ZFP14: variants seen among roughly 807,000 people sequenced by gnomAD.
ZFP14 encodes the protein ZFP14 zinc finger protein.
Under a neutral mutation model 54.5 loss-of-function variants are expected in ZFP14, and 22 were observed. The observed-to-expected ratio is 0.40, with a 90% CI of 0.29 to 0.58. The LOEUF is 0.58. ZFP14 is among the 20% of genes least tolerant of loss of function. The probability of loss-of-function intolerance (pLI) is 0.39; values close to 1 mark genes in which losing one functional copy is unlikely to be tolerated. For synonymous variants in ZFP14, 159 were observed against 204.0 expected, an observed-to-expected ratio of 0.78 and a Z score of 1.88; for missense variants, 470 against 637.8, an observed-to-expected ratio of 0.74 and a Z score of 2.83.
At chr19:36,345,792 C>T (rs1315609914) in intron 4 of ZFP14, among the ~76,000 whole-genome samples, 1 of 151,974 alleles carries the variant, frequency 6.6e-6, no homozygotes, top group Non-Finnish European at 1.5e-5. Context: ...TATAGAGAAC[C>T]TATGAAATAT....
chr19:36,355,002 C>G (rs545583541), intron 4 of ZFP14, among the ~76,000 whole-genome samples: 1 of 142,634 alleles, frequency 7.0e-6, no homozygotes, highest in African/African-American at 2.6e-5. Flanking sequence ...TTGTCCCTAC[C>G]TAATATTATG....
intron 4 of ZFP14, 63 bp downstream of exon 4, chr19:36,360,372 C>T (rs2031689830): frequency 4.7e-6 from 7 of 1,477,968 alleles, no homozygotes; most frequent in African/African-American, 1.4e-5. Flanking sequence ...GTGCCTCCAC[C>T]CTAATCAGTT....
chr19:36,341,060 A>G lies in ZFP14; in HGVS notation c.766T>C (p.Tyr256His). The part of the protein sequence containing the change: ...HQRLHTGEKP[Y>H]ECKECGKAFR... ...GCCTTTCCACATTCCTTACATTCAT[A>G]GGGTTTTTCACCCGTATGAAGTCTC... The change falls in exon 5 of 5, where the codon TAT becomes CAT. Residue 256 changes from tyrosine to histidine, a missense_variant. Tyr to His is a moderately conservative substitution (Grantham distance 83, BLOSUM62 2). Coordinates refer to ENST00000270001, the MANE Select transcript of ZFP14 (RefSeq NM_020917.3). The surrounding 1 kb of genome is among the most constrained non-coding windows in gnomAD (Gnocchi z 4.2). 16 of 1,614,072 alleles carry G rather than the reference A, an allele frequency of 9.9e-6. No individual in the cohort carries two copies. Among genetic ancestry groups the G allele is most frequent in the Non-Finnish European group, 1.4e-5 (16 of 1,179,996 alleles).
intron 2 of ZFP14, among the ~76,000 whole-genome samples, chr19:36,363,195 T>C (rs1020402630): frequency 1.3e-4 from 18 of 139,018 alleles, no homozygotes; most frequent in South Asian, 2.4e-4. Context: ...TTTTCTTTTT[T>C]TTTTTTTTTT....
chr19:36,371,673 A>G (rs1431057831), intron 1 of ZFP14, among the ~76,000 whole-genome samples: 6 of 152,172 alleles, frequency 3.9e-5, no homozygotes, highest in East Asian at 1.9e-4. Flanking sequence ...ATTTAAAGAA[A>G]TAACAGCAGG....
At position 36,340,563 on chromosome 19, in the gene ZFP14, C is replaced by G; in HGVS notation, c.1263G>C (p.Glu421Asp). ...CACACTCTTCACATTCATAGGGTCTCTCACCAATATGAATGCTCTGGTGTG... is the reference window on the plus strand; with the variant it reads ...CACACTCTTCACATTCATAGGGTCTGTCACCAATATGAATGCTCTGGTGTG... ...LISHQSIHIG[E>D]RPYECEECGK... The change falls in exon 5 of 5, where the codon GAG (glutamate) becomes GAC (aspartate). Residue 421 changes from glutamate to aspartate, a missense_variant. By Grantham distance (45) the Glu-to-Asp change is conservative. Coordinates refer to ENST00000270001, the MANE Select transcript of ZFP14 (RefSeq NM_020917.3). The surrounding 1 kb of genome is among the most constrained non-coding windows in gnomAD (Gnocchi z 5.4). 6.2e-7 allele frequency: 1 copy of G among 1,614,032 alleles called. No individual in the cohort carries two copies.
chr19:36,375,730 T>C (rs916875196), intron 1 of ZFP14, among the ~76,000 whole-genome samples: 105 of 152,200 alleles, frequency 6.9e-4, no homozygotes, highest in Admixed American at 1.4e-3. Context: ...GGTAATTTTT[T>C]GTATTTTTAG....
chr19:36,351,801 G>C lies in ZFP14; in HGVS notation c.235+8634C>G, dbSNP rs1369620203. Among the ~76,000 whole-genome samples, 2 of 143,282 alleles carry C rather than the reference G, an allele frequency of 1.4e-5. 1 individual carries two copies. The highest frequency in any genetic ancestry group is 3.1e-5 in the Non-Finnish European group (2 of 64,530). The allele number at this position is 143,282 out of a possible 152,430, so 94.0% of individuals were successfully genotyped here. A position where few individuals can be genotyped will look rare whatever the true frequency, so the allele number is the denominator to read the frequency against. On this transcript the variant is annotated intron_variant, in intron 4 of 4. Transcript: ENST00000270001. ...TTGAGCCCAGGAGTTTGAGGTTGCA[G>C]TGAGCTATGATCACACCACTGCACT... is the stretch of plus-strand genomic sequence containing the variant.
chr19:36,364,058 A>T (rs1382067797), intron 2 of ZFP14, among the ~76,000 whole-genome samples: 1 of 152,032 alleles, frequency 6.6e-6, no homozygotes, highest in Non-Finnish European at 1.5e-5. Context: ...TCCTGTAAAA[A>T]TACACAATGG....
At chr19:36,345,548 A>G (rs1021088673) in intron 4 of ZFP14, among the ~76,000 whole-genome samples, 3 of 152,208 alleles carry the variant, frequency 2.0e-5, no homozygotes, top group Non-Finnish European at 4.4e-5. Flanking sequence ...AAGAAAATCG[A>G]AAATGCTGAA....
At chr19:36,374,647 T>G (rs2031932640) in intron 1 of ZFP14, among the ~76,000 whole-genome samples, 1 of 152,112 alleles carries the variant, frequency 6.6e-6, no homozygotes, top group African/African-American at 2.4e-5. Context: ...ATGCAACCAT[T>G]AAAAATGATG....
intron 1 of ZFP14, 73 bp downstream of exon 1, chr19:36,379,090 G>A (rs2032009503): frequency 6.6e-6 from 1 of 152,532 alleles, no homozygotes; most frequent in South Asian, 2.1e-4. Context: ...ACTGCCTCCT[G>A]GCTCACACTG....
chr19:36,342,574 A>T (rs1200521417), intron 4 of ZFP14, among the ~76,000 whole-genome samples: 1 of 97,782 alleles, frequency 1.0e-5, no homozygotes, highest in Non-Finnish European at 2.2e-5. Flanking sequence ...TCAGCACTTC[A>T]TGTGTATTAA....
chr19:36,348,858 G>T (rs73602377), intron 4 of ZFP14, among the ~76,000 whole-genome samples: 1 of 152,076 alleles, frequency 6.6e-6, no homozygotes, highest in Admixed American at 6.6e-5. Flanking sequence ...CCAGAAACCA[G>T]AGGTGGAACT....
intron 4 of ZFP14, among the ~76,000 whole-genome samples, chr19:36,353,291 G>A (rs2031560002): frequency 7.0e-6 from 1 of 142,734 alleles, no homozygotes; most frequent in Admixed American, 7.2e-5. Context: ...ACCATTCTCA[G>A]CAAAACCACT....
At chr19:36,378,237 A>G (rs2031993905) in intron 1 of ZFP14, 1 of 152,230 alleles carries the variant, frequency 6.6e-6, no homozygotes. Flanking sequence ...TGAGATATTG[A>G]ATGCAATCAT....
chr19:36,348,119 T>C (rs1475788959), intron 4 of ZFP14, among the ~76,000 whole-genome samples: 3 of 152,192 alleles, frequency 2.0e-5, no homozygotes, highest in African/African-American at 7.2e-5. Context: ...TGGCTTTCTT[T>C]GGTCACCAGA....
At chr19:36,367,025 G>A (rs546007254) in intron 2 of ZFP14, among the ~76,000 whole-genome samples, 1 of 151,896 alleles carries the variant, frequency 6.6e-6, no homozygotes, top group African/African-American at 2.4e-5. Flanking sequence ...ATGGTGGCGG[G>A]CACCTGTAAT....
chr19:36,341,493 G>A lies in ZFP14; in HGVS notation c.333C>T (p.Ser111=). ...TAAAAATGGAACCCTGAAGGCTATA[G>A]CTTTTAATTCTTTCCATTATATCCC... ...FQWDIMERIK[S]YSLQGSIFRN... The change falls in exon 5 of 5, where the codon AGC becomes AGT. Residue 111 remains serine (S), a synonymous_variant. Coordinates refer to ENST00000270001, the MANE Select transcript of ZFP14 (RefSeq NM_020917.3). The surrounding 1 kb of genome is among the most constrained non-coding windows in gnomAD (Gnocchi z 4.2). 6.2e-7 allele frequency: 1 copy of A among 1,613,634 alleles called. No homozygotes were observed. The highest frequency in any genetic ancestry group is 1.1e-5 in the South Asian group (1 of 90,924).
Sources: allele counts gnomAD v4.1 joint callset (sites outside exome capture counted in the v4.1 genomes callset), GRCh38; gene constraint gnomAD v4.1.1; non-coding constraint Gnocchi (gnomAD v3.1); transcripts MANE v1.5; gene names NCBI Gene and HGNC (gene_info 2026-07-23, HGNC 2026-07-21).